Variants in RNLS observed in about 807,000 individuals in gnomAD.
The protein encoded by RNLS is renalase.
In RNLS, 39 loss-of-function variants were observed where a neutral mutation model predicts 39.8. That is an observed-to-expected ratio of 0.98 (90% CI 0.76 to 1.28). RNLS has a LOEUF of 1.28. Ranked by LOEUF, RNLS falls within the 50% of genes most tolerant of loss-of-function variation. The pLI is 0.00. For missense variants in RNLS, 410 were observed against 413.3 expected, an observed-to-expected ratio of 0.99 and a Z score of 0.07; for synonymous variants, 147 against 150.7, an observed-to-expected ratio of 0.98 and a Z score of 0.18.
the RNLS span, among the ~76,000 whole-genome samples, chr10:88,202,508 C>T: frequency 6.6e-6 from 1 of 152,162 alleles, no homozygotes; most frequent in African/African-American, 2.4e-5. Flanking sequence ...ACCAGCCCTC[C>T]ATGGCAGAGC....
intron 6 of RNLS, among the ~76,000 whole-genome samples, chr10:88,295,757 C>A (rs897527987): frequency 2.4e-4 from 37 of 152,136 alleles, no homozygotes; most frequent in African/African-American, 8.7e-4. Flanking sequence ...TTATATGATC[C>A]ATGTAGCAGC....
At chr10:88,566,158 T>C (rs1297407861) in intron 4 of RNLS, among the ~76,000 whole-genome samples, 5 of 152,220 alleles carry the variant, frequency 3.3e-5, no homozygotes, top group African/African-American at 1.2e-4. Context: ...CCAATGTTAA[T>C]GTTTGTCAAA....
the RNLS span, among the ~76,000 whole-genome samples, chr10:88,219,788 T>A: frequency 6.6e-6 from 1 of 152,242 alleles, no homozygotes; most frequent in African/African-American, 2.4e-5. Context: ...AGCAGGCATA[T>A]TTAAAGCATT....
chr10:88,387,502 C>CAAAAA (rs5786817), intron 4 of RNLS, among the ~76,000 whole-genome samples: 9 of 70,114 alleles, frequency 1.3e-4, no homozygotes, highest in East Asian at 4.1e-4. Context: ...GAGAACAGAG[C>CAAAAA]AAAAAAAAAA....
Position 88,362,561 on chromosome 10 carries a change from G to A in RNLS, c.691C>T (p.Arg231Cys), listed in dbSNP as rs746441735. 2.0e-5 allele frequency: 32 copies of A among 1,613,410 alleles called. No individual in the cohort carries two copies. The highest frequency in any genetic ancestry group is 1.6e-4 in the East Asian group (7 of 44,888). ...IRFVSIDNKK[R>C]NIESSEIGPS... ...TAATAGGGGTACTGACCTATATTGC[G>A]CTTCTTATTATCAATGGAGACGAAG... The change falls in exon 5 of 7, where the codon CGC becomes TGC. Residue 231 changes from arginine to cysteine, a missense_variant. Coordinates refer to ENST00000331772, the MANE Select transcript of RNLS (RefSeq NM_001031709.3).
At chr10:88,335,599 G>A (rs79088820) in intron 5 of RNLS, among the ~76,000 whole-genome samples, 4,657 of 152,276 alleles carry the variant, frequency 0.031, 92 homozygotes, top group Non-Finnish European at 0.041. Flanking sequence ...CTTAATGGTG[G>A]CTAAGAGCTG....
chr10:88,400,230 T>C (rs1303937515), intron 4 of RNLS, among the ~76,000 whole-genome samples: 1 of 152,018 alleles, frequency 6.6e-6, no homozygotes, highest in African/African-American at 2.4e-5. Flanking sequence ...TGGCCCATTA[T>C]TAACCTGTGG....
At chr10:88,248,988 A>G in the RNLS span, among the ~76,000 whole-genome samples, 1 of 152,246 alleles carries the variant, frequency 6.6e-6, no homozygotes, top group Non-Finnish European at 1.5e-5. Context: ...CTTCAAGACT[A>G]GTGTGCCAAT....
At chr10:88,432,202 T>C (rs1855175175) in intron 4 of RNLS, among the ~76,000 whole-genome samples, 1 of 151,834 alleles carries the variant, frequency 6.6e-6, no homozygotes. Context: ...CTTATCATTA[T>C]GAAATTATCT....
At chr10:88,381,802 C>T (rs546047587) in intron 4 of RNLS, among the ~76,000 whole-genome samples, 1 of 152,202 alleles carries the variant, frequency 6.6e-6, no homozygotes, top group African/African-American at 2.4e-5. Flanking sequence ...TGGTAAACTA[C>T]CATCCATGGG....
the RNLS span, among the ~76,000 whole-genome samples, chr10:88,239,849 C>G: frequency 6.6e-6 from 1 of 152,290 alleles, no homozygotes; most frequent in East Asian, 1.9e-4. Flanking sequence ...GAAAGTTTTC[C>G]CTTCTCCAAC....
intron 4 of RNLS, among the ~76,000 whole-genome samples, chr10:88,378,502 C>A (rs780500124): frequency 6.6e-6 from 1 of 152,152 alleles, no homozygotes; most frequent in African/African-American, 2.4e-5. Flanking sequence ...CCACCTCACC[C>A]CTGCCTTTCT....
At chr10:88,486,976 A>G (rs754911039) in intron 4 of RNLS, among the ~76,000 whole-genome samples, 15 of 152,208 alleles carry the variant, frequency 9.9e-5, no homozygotes, top group Non-Finnish European at 1.9e-4. Flanking sequence ...TCAATGACAG[A>G]TTGGATGAAG....
chr10:88,267,263 C>A, the RNLS span, among the ~76,000 whole-genome samples: 1 of 152,102 alleles, frequency 6.6e-6, no homozygotes, highest in South Asian at 2.1e-4. Context: ...ACCCAGGAAG[C>A]AATATATAAG....
chr10:88,489,092 T>C (rs1440702943), intron 4 of RNLS, among the ~76,000 whole-genome samples: 2 of 152,186 alleles, frequency 1.3e-5, no homozygotes, highest in African/African-American at 4.8e-5. Context: ...TGAAGTCATC[T>C]TGAGAGCAAA....
At chr10:88,368,340 G>T (rs1850279650) in intron 4 of RNLS, among the ~76,000 whole-genome samples, 1 of 152,010 alleles carries the variant, frequency 6.6e-6, no homozygotes, top group African/African-American at 2.4e-5. Context: ...GCAACTTGAG[G>T]CAAAGACTGT....
chr10:88,466,309 A>G (rs1843201879), intron 4 of RNLS, among the ~76,000 whole-genome samples: 1 of 152,134 alleles, frequency 6.6e-6, no homozygotes, highest in African/African-American at 2.4e-5. Context: ...CGGGGATAGT[A>G]TAATAGCTCA....
chr10:88,337,351 CATT>C (rs1847580012), intron 5 of RNLS, among the ~76,000 whole-genome samples: 1 of 152,144 alleles, frequency 6.6e-6, no homozygotes, highest in African/African-American at 2.4e-5. Context: ...TTTGGGGGAA[CATT>C]ATCCAAATTT....
chr10:88,416,618 T>C (rs1283597485), intron 4 of RNLS, among the ~76,000 whole-genome samples: 2 of 152,192 alleles, frequency 1.3e-5, no homozygotes, highest in Non-Finnish European at 2.9e-5. Context: ...TTTATTTTTA[T>C]ATGTGTTTCT....
Sources: gnomAD v4.1 joint callset for allele counts (sites outside exome capture counted in the v4.1 genomes callset) on GRCh38, gnomAD v4.1.1 for gene constraint, MANE v1.5 for transcripts, NCBI Gene and HGNC (gene_info 2026-07-23, HGNC 2026-07-21) for gene names.